Variants in NAALADL2 observed in about 807,000 individuals in gnomAD.
NAALADL2 encodes N-acetylated alpha-linked acidic dipeptidase like 2, also known as inactive N-acetylated-alpha-linked acidic dipeptidase-like protein 2.
A neutral mutation model predicts 87.2 loss-of-function variants in NAALADL2; 76 were observed. The observed-to-expected ratio is 0.87, with a 90% confidence interval of 0.72 to 1.05. The LOEUF (loss-of-function observed/expected upper bound fraction) is 1.05, where lower values mean the gene tolerates loss of function less well. NAALADL2 is among the 50% of genes least tolerant of loss of function. NAALADL2 has a pLI of 0.00. For synonymous variants in NAALADL2, 354 were observed against 331.0 expected (o/e 1.07, Z -0.75); for missense variants, 1,089 against 945.8 (o/e 1.15, Z -1.99).
At chr3:174,816,513 A>C (rs1017693090) in intron 3 of NAALADL2, among the ~76,000 whole-genome samples, 1 of 125,498 alleles carries the variant, frequency 8.0e-6, no homozygotes, top group African/African-American at 3.3e-5. Flanking sequence ...TTATACATTT[A>C]TTTATATTAT....
At chr3:175,203,842 G>C (rs1253438829) in intron 2 of NAALADL2, among the ~76,000 whole-genome samples, 8 of 152,098 alleles carry the variant, frequency 5.3e-5, no homozygotes, top group Admixed American at 4.6e-4. Context: ...TAGAAAATCT[G>C]GAAAGAGATG....
At position 175,804,474 on chromosome 3, in the gene NAALADL2, T is replaced by C. The variant is rs1293393787; in HGVS notation, c.*1271T>C. 4 of 151,822 alleles carry C rather than the reference T, an allele frequency of 2.6e-5. No individual in the cohort carries two copies. Among genetic ancestry groups the C allele is most frequent in the Non-Finnish European group, 5.9e-5 (4 of 67,824 alleles). 9.4% of individuals were successfully genotyped at this position (151,822 alleles called of 1,614,324 possible). ...ATTATTCCCCCAAACCCTAAAATTC[T>C]ACCTATTAGGTGTCAGGTTAAAGTT... On this transcript the variant is annotated 3_prime_UTR_variant, in exon 14 of 14. Transcript: ENST00000454872.
chr3:174,915,429 C>T (rs1579504165), intron 1 of NAALADL2, among the ~76,000 whole-genome samples: 1 of 152,098 alleles, frequency 6.6e-6, no homozygotes, highest in African/African-American at 2.4e-5. Flanking sequence ...TTTCTAGACC[C>T]AGCTTTCCCA....
At chr3:174,919,720 G>A (rs1350657792) in intron 1 of NAALADL2, among the ~76,000 whole-genome samples, 1 of 152,174 alleles carries the variant, frequency 6.6e-6, no homozygotes, top group Non-Finnish European at 1.5e-5. Flanking sequence ...CGTATAGAAT[G>A]ATAAATTATT....
chr3:174,738,708 A>G (rs937982358), intron 3 of NAALADL2, among the ~76,000 whole-genome samples: 1 of 152,344 alleles, frequency 6.6e-6, no homozygotes, highest in Non-Finnish European at 1.5e-5. Flanking sequence ...ACACATGTCT[A>G]TAGAATTTTG....
chr3:175,526,312 A>G (rs144188076), intron 9 of NAALADL2, among the ~76,000 whole-genome samples: 1 of 152,172 alleles, frequency 6.6e-6, no homozygotes, highest in African/African-American at 2.4e-5. Context: ...GCATGTATAG[A>G]TGTTAGCTAG....
At chr3:174,794,216 A>C (rs946742801) in intron 3 of NAALADL2, among the ~76,000 whole-genome samples, 1 of 152,112 alleles carries the variant, frequency 6.6e-6, no homozygotes, top group African/African-American at 2.4e-5. Flanking sequence ...TCAGAATGAT[A>C]GTCTTCTGCC....
chr3:175,049,564 C>T (rs6788065), intron 1 of NAALADL2, among the ~76,000 whole-genome samples: 26,928 of 152,176 alleles, frequency 0.18, 3,004 homozygotes, highest in African/African-American at 0.29. Flanking sequence ...CTATTTGAGA[C>T]TGTAGCACCA....
At chr3:175,714,573 G>C (rs1740982218) in intron 11 of NAALADL2, among the ~76,000 whole-genome samples, 1 of 152,070 alleles carries the variant, frequency 6.6e-6, no homozygotes, top group Admixed American at 6.6e-5. Flanking sequence ...TTTTTGATGG[G>C]ATTGTTTCTT....
At chr3:175,013,316 T>TTTTTTTA (rs1750397154) in intron 1 of NAALADL2, among the ~76,000 whole-genome samples, 1 of 127,004 alleles carries the variant, frequency 7.9e-6, no homozygotes, top group Admixed American at 9.1e-5. Context: ...TTTTTTTTTT[T>TTTTTTTA]GAGACAGGGT....
chr3:174,880,869 C>A (rs1407011449), intron 1 of NAALADL2, among the ~76,000 whole-genome samples: 1 of 152,086 alleles, frequency 6.6e-6, no homozygotes, highest in East Asian at 1.9e-4. Context: ...CATATTGAGG[C>A]TCTGAGGAAG....
intron 1 of NAALADL2, among the ~76,000 whole-genome samples, chr3:174,870,317 C>G (rs768289249): frequency 6.6e-6 from 1 of 152,038 alleles, no homozygotes; most frequent in East Asian, 1.9e-4. Context: ...AATGGAACAC[C>G]CATGCTCCAC....
chr3:175,129,956 A>C (rs559973139), intron 2 of NAALADL2, among the ~76,000 whole-genome samples: 1 of 152,294 alleles, frequency 6.6e-6, no homozygotes, highest in South Asian at 2.1e-4. Context: ...TTTTCTCCAC[A>C]TCCTTGCCAA....
chr3:174,814,572 T>C (rs1350164700), intron 3 of NAALADL2, among the ~76,000 whole-genome samples: 1 of 152,150 alleles, frequency 6.6e-6, no homozygotes, highest in African/African-American at 2.4e-5. Context: ...TTTTAAGGTA[T>C]GGAATAATGT....
chr3:175,537,602 G>A (rs1336349636), intron 9 of NAALADL2, among the ~76,000 whole-genome samples: 1 of 152,140 alleles, frequency 6.6e-6, no homozygotes, highest in African/African-American at 2.4e-5. Flanking sequence ...ACTAATTTAA[G>A]ATACAGATTC....
chr3:174,893,310 AC>A (rs35730234), intron 1 of NAALADL2, among the ~76,000 whole-genome samples: 5,355 of 139,452 alleles, frequency 0.038, 315 homozygotes, highest in African/African-American at 0.13. Flanking sequence ...GAGTACTTCA[AC>A]CCCCCCCCGC....
chr3:175,165,963 G>A (rs6786391), intron 2 of NAALADL2, among the ~76,000 whole-genome samples: 128,656 of 151,814 alleles, frequency 0.85, 54,667 homozygotes, highest in East Asian at 0.93. Context: ...CTTTGCCACC[G>A]GCCTCACATT....
chr3:175,726,801 G>A (rs1477907187), intron 11 of NAALADL2, among the ~76,000 whole-genome samples: 1 of 152,126 alleles, frequency 6.6e-6, no homozygotes, highest in East Asian at 1.9e-4. Context: ...AGTTTAGGCC[G>A]AGAAACTAGA....
intron 1 of NAALADL2, among the ~76,000 whole-genome samples, chr3:174,449,860 C>T (rs893653892): frequency 6.6e-6 from 1 of 152,052 alleles, no homozygotes; most frequent in Admixed American, 6.5e-5. Flanking sequence ...CCTCTCTTTT[C>T]AGTTTTTTTC....
Sources: allele counts gnomAD v4.1 joint callset (sites outside exome capture counted in the v4.1 genomes callset), GRCh38; gene constraint gnomAD v4.1.1; transcripts MANE v1.5; gene names NCBI Gene and HGNC (gene_info 2026-07-23, HGNC 2026-07-21).